TEX14: variants seen among roughly 807,000 people sequenced by gnomAD.
TEX14 encodes testis expressed 14, intercellular bridge forming factor, also known as inactive serine/threonine-protein kinase TEX14.
TEX14 carries 168 observed loss-of-function variants against 178.6 expected under a neutral mutation model. The observed-to-expected ratio is 0.94, with a 90% CI of 0.83 to 1.07. TEX14 has a LOEUF of 1.07. Ranked by LOEUF, TEX14 falls within the 50% of genes least tolerant of loss-of-function variation. The pLI is 0.00. For synonymous variants in TEX14, 626 were observed against 634.1 expected (o/e 0.99, Z 0.19); for missense variants, 1,730 against 1,753.6 (o/e 0.99, Z 0.24).
At chr17:58,629,456 GAAAAA>G (rs969535540) in intron 3 of TEX14, among the ~76,000 whole-genome samples, 5 of 79,788 alleles carry the variant, frequency 6.3e-5, no homozygotes, top group Non-Finnish European at 1.3e-4. Flanking sequence ...CATGTGTCAG[GAAAAA>G]AAAAAAAAAA....
intron 1 of TEX14, among the ~76,000 whole-genome samples, chr17:58,680,950 G>C (rs1401072746): frequency 6.6e-6 from 1 of 151,972 alleles, no homozygotes; most frequent in Admixed American, 6.6e-5. Flanking sequence ...TCAAGCTCAC[G>C]GTTTTCCATC....
rs779942458 is a variant in TEX14 at position 58,652,019 on chromosome 17, C to T, written c.-1-17G>A. On this transcript the variant is annotated splice_polypyrimidine_tract_variant and intron_variant, in intron 1 of 31. Coordinates refer to ENST00000349033, the MANE Select transcript of TEX14 (RefSeq NM_031272.5). ...CGAGACATCCTGTTCCAAAAGAGAGCAATATGCTTATTTTAACTGAACCAG... is the reference window on the plus strand; with the variant it reads ...CGAGACATCCTGTTCCAAAAGAGAGTAATATGCTTATTTTAACTGAACCAG... 1 of 1,501,900 alleles carries T rather than the reference C, an allele frequency of 6.7e-7. No individual in the cohort carries two copies. The highest frequency in any genetic ancestry group is 1.4e-5 in the South Asian group (1 of 73,400). 93.0% of individuals were successfully genotyped at this position (1,501,900 alleles called of 1,614,324 possible).
At chr17:58,631,204 G>C in intron 2 of TEX14, 1 of 935,568 alleles carries the variant, frequency 1.1e-6, no homozygotes, top group Non-Finnish European at 1.3e-6. Flanking sequence ...GCTCACGCCT[G>C]TAATGCCAGC....
intron 26 of TEX14, among the ~76,000 whole-genome samples, chr17:58,568,373 T>C (rs937514695): frequency 6.6e-6 from 1 of 152,064 alleles, no homozygotes; most frequent in African/African-American, 2.4e-5. Flanking sequence ...GTCCATTGAG[T>C]CAGACCTGAA....
chr17:58,653,947 C>T (rs1007523323), intron 1 of TEX14, among the ~76,000 whole-genome samples: 7 of 151,810 alleles, frequency 4.6e-5, no homozygotes, highest in African/African-American at 1.2e-4. Flanking sequence ...TTTGGGAGGC[C>T]GAGGCGGGCG....
rs1324884382 is a variant in TEX14 at position 58,604,995 on chromosome 17, A to G, written c.1319T>C (p.Met440Thr). 1 of 1,614,190 alleles carries G rather than the reference A, an allele frequency of 6.2e-7. No homozygotes were observed. The highest frequency in any genetic ancestry group is 2.2e-5 in the East Asian group (1 of 44,884). The change falls in exon 11 of 32, where the codon ATG becomes ACG. Residue 440 changes from methionine to threonine, a missense_variant. Physicochemically the swap from Met to Thr is moderately conservative, Grantham distance 81. Coordinates refer to ENST00000349033, the MANE Select transcript of TEX14 (RefSeq NM_031272.5). ...TGATCTACCTGTTAAAATCTCCTGC[A>G]TGATCATAGAAAAGCTGTAGATGTC... ...KSDIYSFSMI[M>T]QEILTDDIPW...
At chr17:58,607,225 T>G (rs909657085) in intron 10 of TEX14, among the ~76,000 whole-genome samples, 6 of 152,138 alleles carry the variant, frequency 3.9e-5, no homozygotes, top group African/African-American at 1.4e-4. Flanking sequence ...AAGAAGGGTA[T>G]GTTGTTACAC....
At chr17:58,674,563 G>T (rs763384915) in intron 1 of TEX14, among the ~76,000 whole-genome samples, 78 of 151,280 alleles carry the variant, frequency 5.2e-4, no homozygotes, top group Non-Finnish European at 9.7e-4. Context: ...CCAGCTACTC[G>T]AGACGGAGAG....
chr17:58,613,791 C>T (rs2045806466), intron 8 of TEX14, among the ~76,000 whole-genome samples: 1 of 152,066 alleles, frequency 6.6e-6, no homozygotes, highest in African/African-American at 2.4e-5. Flanking sequence ...CTCAGGCTTC[C>T]AAGTAGCTGG....
chr17:58,564,319 A>ATAT (rs1491317523), intron 28 of TEX14: 3 of 152,260 alleles, frequency 2.0e-5, no homozygotes, highest in Non-Finnish European at 4.4e-5. Context: ...TAAATGAAAC[A>ATAT]TATTATTCAG....
In TEX14 at chr17:58,586,105, T is replaced by C. The variant is rs759366547; in HGVS notation, c.2789-23A>G. On this transcript the variant is annotated intron_variant, in intron 17 of 31. Coordinates refer to ENST00000349033, the MANE Select transcript of TEX14 (RefSeq NM_031272.5). ...CCACTGTGCATAAGAGAAAGCAGCATTTAAAACATCACTGTAAACACTGGA... is the reference window on the plus strand; with the variant it reads ...CCACTGTGCATAAGAGAAAGCAGCACTTAAAACATCACTGTAAACACTGGA... 6 of 1,595,798 alleles carry C rather than the reference T, an allele frequency of 3.8e-6. No homozygotes were observed. In the South Asian group the frequency reaches 6.7e-5, roughly 18 times the overall value.
rs774756253 is a variant in TEX14 at position 58,599,628 on chromosome 17, T to C, written c.1717A>G (p.Thr573Ala). Residue 573 changes from threonine to alanine, a missense_variant, in exon 14 of 32, where the codon ACT (threonine) becomes GCT (alanine). By Grantham distance (58) the Thr-to-Ala change is moderately conservative. This residue lies in a region of TEX14 where 941 missense variants were observed against 1,072.4 expected (regional missense o/e 0.88). Coordinates refer to ENST00000349033, the MANE Select transcript of TEX14 (RefSeq NM_031272.5). ...PHSPRVHSLF[T>A]EGTLDPQAPD... ...GCCTGAGGATCTAGTGTCCCCTCAG[T>C]GAATAAAGAGTGAACCCTTGGTGAA... The C allele has an allele frequency of 3.7e-6, 6 of 1,613,074 alleles. No homozygotes were observed. In the African/African-American group the frequency reaches 6.7e-5, roughly 18 times the overall value.
At chr17:58,584,628 AAG>A in intron 18 of TEX14, 28 bp from the exon 19 acceptor site, 1 of 1,537,370 alleles carries the variant, frequency 6.5e-7, no homozygotes, top group Non-Finnish European at 9.0e-7. Flanking sequence ...GTCAGGGTCA[AAG>A]TCATTCAGTG....
At chr17:58,565,967 G>C (rs2044389310) in intron 26 of TEX14, 143 bp from the exon 27 acceptor site, 3 of 641,878 alleles carry the variant, frequency 4.7e-6, no homozygotes, top group Non-Finnish European at 5.5e-6. Context: ...CAAATTCTCA[G>C]GCCTCATCTC....
Position 58,651,964 on chromosome 17 carries a change from A to T in TEX14, c.38T>A (p.Val13Asp), listed in dbSNP as rs1367812644. The T allele has an allele frequency of 1.9e-6, 3 of 1,613,096 alleles. No individual in the cohort carries two copies. In the East Asian group the frequency reaches 6.7e-5, roughly 36 times the overall value. ...RAVRLPVPCP[V>D]QLGTLRNDSL... ...GTCATTTCTTAAGGTACCAAGTTGA[A>T]CAGGACAGGGGACTGGAAGACGAAC... The change falls in exon 2 of 32, where the codon GTT becomes GAT. Residue 13 changes from valine to aspartate, a missense_variant. Physicochemically the swap from Val to Asp is radical, Grantham distance 152. Transcript: ENST00000349033.
At chr17:58,610,097 G>T (rs1188811781) in intron 10 of TEX14, among the ~76,000 whole-genome samples, 1 of 152,190 alleles carries the variant, frequency 6.6e-6, no homozygotes, top group Non-Finnish European at 1.5e-5. Flanking sequence ...CTCAAAGCTT[G>T]GGGGCTCTCA....
intron 2 of TEX14, among the ~76,000 whole-genome samples, chr17:58,647,224 G>GA (rs1231753307): frequency 2.0e-5 from 3 of 150,702 alleles, no homozygotes; most frequent in East Asian, 2.1e-4. Flanking sequence ...TAAAGTGACA[G>GA]AAAAAATGGA....
intron 24 of TEX14, 132 bp from the exon 25 acceptor site, chr17:58,570,616 C>CT (rs71143252): frequency 0.01 from 901 of 87,964 alleles, 64 homozygotes; most frequent in South Asian, 0.014. Flanking sequence ...GGGAAGCCTC[C>CT]TTTTTTTTTT....
chr17:58,561,951 C>T (rs1190146551), intron 28 of TEX14, among the ~76,000 whole-genome samples: 1 of 151,916 alleles, frequency 6.6e-6, no homozygotes, highest in Non-Finnish European at 1.5e-5. Context: ...CCGGCGTGGT[C>T]GCGTGCGCCT....
Sources: gnomAD v4.1 joint callset for allele counts (sites outside exome capture counted in the v4.1 genomes callset) on GRCh38, gnomAD v4.1.1 for gene constraint, gnomAD v4.1.1 regional missense constraint, MANE v1.5 for transcripts, NCBI Gene and HGNC (gene_info 2026-07-23, HGNC 2026-07-21) for gene names.